Variants in PRKG1 observed in about 807,000 individuals in gnomAD.
The protein encoded by PRKG1 is cGMP-dependent protein kinase 1.
A neutral mutation model predicts 88.1 loss-of-function variants in PRKG1; 35 were observed. That is an observed-to-expected ratio of 0.40 (90% CI 0.30 to 0.53). The LOEUF is 0.53. Among genes scored for constraint, PRKG1 ranks in the 20% least tolerant of loss-of-function variants. The probability of loss-of-function intolerance (pLI) is 0.59; values close to 1 mark genes in which losing one functional copy is unlikely to be tolerated. For synonymous variants in PRKG1, 303 were observed against 292.5 expected (o/e 1.04, Z -0.37); for missense variants, 540 against 839.8 (o/e 0.64, Z 4.41).
intron 7 of PRKG1, among the ~76,000 whole-genome samples, chr10:52,106,818 G>T (rs1326857633): frequency 6.6e-6 from 1 of 151,444 alleles, no homozygotes; most frequent in Non-Finnish European, 1.5e-5. Flanking sequence ...ATTCAAAAAA[G>T]CAAATTGTAA....
At chr10:51,388,533 C>G (rs1837311033) in intron 2 of PRKG1, among the ~76,000 whole-genome samples, 1 of 152,034 alleles carries the variant, frequency 6.6e-6, no homozygotes, top group South Asian at 2.1e-4. Context: ...ATATGAGAAT[C>G]AGAAATCTGG....
chr10:51,165,659 T>G (rs1222884171), intron 2 of PRKG1, among the ~76,000 whole-genome samples: 2 of 152,184 alleles, frequency 1.3e-5, no homozygotes, highest in South Asian at 4.2e-4. Flanking sequence ...CCATCTCACG[T>G]GCAGTGACAC....
intron 5 of PRKG1, among the ~76,000 whole-genome samples, chr10:51,935,213 T>C (rs1383112183): frequency 6.6e-6 from 1 of 152,184 alleles, no homozygotes; most frequent in Non-Finnish European, 1.5e-5. Context: ...GGACATCAGC[T>C]TCTAAATCTT....
At chr10:52,022,891 G>A (rs977966759) in intron 5 of PRKG1, among the ~76,000 whole-genome samples, 41 of 152,070 alleles carry the variant, frequency 2.7e-4, no homozygotes, top group African/African-American at 9.2e-4. Flanking sequence ...CTATAAAAAT[G>A]CAGAACTTTT....
intron 5 of PRKG1, among the ~76,000 whole-genome samples, chr10:51,923,541 A>T (rs1020422293): frequency 2.2e-4 from 31 of 143,674 alleles, no homozygotes; most frequent in Non-Finnish European, 4.0e-4. Context: ...TATTACTTCT[A>T]TTTCTTTTTT....
intron 1 of PRKG1, among the ~76,000 whole-genome samples, chr10:51,037,856 A>G (rs1843371287): frequency 6.6e-6 from 1 of 152,204 alleles, no homozygotes. Flanking sequence ...TGTACATTCA[A>G]AGGCAATTAA....
At chr10:51,609,652 G>A (rs901347250) in intron 3 of PRKG1, among the ~76,000 whole-genome samples, 5 of 152,142 alleles carry the variant, frequency 3.3e-5, no homozygotes, top group African/African-American at 9.7e-5. Context: ...GGATTACTAT[G>A]CAGCCATAAA....
At chr10:51,460,209 T>G (rs918726365) in intron 2 of PRKG1, among the ~76,000 whole-genome samples, 1 of 152,102 alleles carries the variant, frequency 6.6e-6, no homozygotes, top group Non-Finnish European at 1.5e-5. Context: ...TTGCCCCCAG[T>G]TGAGATCTGT....
chr10:51,944,808 T>C (rs939013505), intron 5 of PRKG1, among the ~76,000 whole-genome samples: 1 of 152,078 alleles, frequency 6.6e-6, no homozygotes, highest in African/African-American at 2.4e-5. Flanking sequence ...GATTGCACTG[T>C]GGTCTGAGAG....
chr10:52,160,843 T>C (rs1305345100), intron 8 of PRKG1, among the ~76,000 whole-genome samples: 1 of 152,074 alleles, frequency 6.6e-6, no homozygotes, highest in Non-Finnish European at 1.5e-5. Context: ...TAATTAGAGA[T>C]TATAATACTA....
In PRKG1 at chr10:52,227,697, T is replaced by C. The variant is rs551168912; in HGVS notation, c.1077-23873T>C. On this transcript the variant is annotated intron_variant, in intron 9 of 17. Coordinates refer to ENST00000373980, the MANE Select transcript of PRKG1 (RefSeq NM_006258.4). ...TGAGAACCCACTGCATTTAGTAAAA[T>C]ATAAAGACATGAATAATAGAAACAT... is the stretch of plus-strand genomic sequence containing the variant. Among the ~76,000 whole-genome samples, 3 of 152,214 alleles carry C rather than the reference T, an allele frequency of 2.0e-5. No individual in the cohort carries two copies. In the South Asian group the frequency reaches 6.2e-4, roughly 32 times the overall value.
intron 3 of PRKG1, among the ~76,000 whole-genome samples, chr10:51,673,673 T>A (rs1225447441): frequency 6.6e-6 from 1 of 152,246 alleles, no homozygotes; most frequent in East Asian, 1.9e-4. Context: ...ATTTATTGAA[T>A]GCATGTGGGA....
intron 3 of PRKG1, among the ~76,000 whole-genome samples, chr10:51,478,812 A>C (rs762295217): frequency 6.6e-6 from 1 of 151,960 alleles, no homozygotes; most frequent in Non-Finnish European, 1.5e-5. Context: ...AATGTAATAC[A>C]TGAAGTTTTG....
intron 1 of PRKG1, among the ~76,000 whole-genome samples, chr10:51,087,185 A>G (rs1007955604): frequency 2.0e-5 from 3 of 151,370 alleles, no homozygotes; most frequent in African/African-American, 2.4e-5. Context: ...TTTTTTCTTC[A>G]TTTTTTTTCT....
chr10:51,604,317 G>C (rs763400978), intron 3 of PRKG1, among the ~76,000 whole-genome samples: 4 of 152,086 alleles, frequency 2.6e-5, no homozygotes, highest in Non-Finnish European at 4.4e-5. Flanking sequence ...CATACAGAGG[G>C]AAGAATGATT....
rs147930946 is a variant in PRKG1 at position 51,047,304 on chromosome 10, A to G, written c.266+55660A>G. On this transcript the variant is annotated intron_variant, in intron 1 of 17. Coordinates refer to the PRKG1 transcript ENST00000401604. The stretch of plus-strand genomic sequence containing the variant: ...ACTTTGACCTTAAAGCAAGTTACTT[A>G]CATTCTGTAAGCCCCAGTTTCCTTG... 3.3e-5 allele frequency among the ~76,000 whole-genome samples: 5 copies of G among 152,334 alleles called. No individual in the cohort carries two copies. The East Asian group carries it at 9.7e-4, about 29-fold the overall frequency.
intron 2 of PRKG1, among the ~76,000 whole-genome samples, chr10:51,263,883 G>A (rs1839776524): frequency 6.6e-6 from 1 of 152,184 alleles, no homozygotes; most frequent in South Asian, 2.1e-4. Context: ...CCCTTTTAGA[G>A]TGTCACATCA....
intron 2 of PRKG1, among the ~76,000 whole-genome samples, chr10:51,227,223 TAG>T (rs1169857460): frequency 6.6e-6 from 1 of 151,652 alleles, no homozygotes; most frequent in African/African-American, 2.4e-5. Flanking sequence ...GTTCTTTTGA[TAG>T]AGACATGTCA....
intron 2 of PRKG1, among the ~76,000 whole-genome samples, chr10:51,207,925 T>C (rs1323366668): frequency 6.6e-6 from 1 of 152,218 alleles, no homozygotes; most frequent in African/African-American, 2.4e-5. Flanking sequence ...ACATCTTATC[T>C]GAGTCCTCTC....
Sources: gnomAD v4.1 joint callset for allele counts (sites outside exome capture counted in the v4.1 genomes callset) on GRCh38, gnomAD v4.1.1 for gene constraint, MANE v1.5 for transcripts, NCBI Gene and HGNC (gene_info 2026-07-23, HGNC 2026-07-21) for gene names.